SLC4A10: variants seen among roughly 807,000 people sequenced by gnomAD.
SLC4A10 encodes the protein solute carrier family 4 member 10.
Under a neutral mutation model 137.7 loss-of-function variants are expected in SLC4A10, and 42 were observed. The ratio of observed to expected loss-of-function variants is 0.30; its 90% CI spans 0.24 to 0.39. The LOEUF (loss-of-function observed/expected upper bound fraction) is 0.39, where lower values mean the gene tolerates loss of function less well. SLC4A10 is among the 10% of genes least tolerant of loss of function. The pLI is 1.00. For missense variants in SLC4A10, 925 were observed against 1,355.0 expected (o/e 0.68, Z 4.98); for synonymous variants, 474 against 464.1 (o/e 1.02, Z -0.27).
chr2:161,845,288 A>T (rs2059422175), intron 4 of SLC4A10, among the ~76,000 whole-genome samples: 1 of 152,150 alleles, frequency 6.6e-6, no homozygotes, highest in Admixed American at 6.6e-5. Flanking sequence ...TCATTTAAAT[A>T]TCTCTTAAAG....
chr2:161,767,487 A>G (rs2051037910), intron 1 of SLC4A10, among the ~76,000 whole-genome samples: 1 of 151,650 alleles, frequency 6.6e-6, no homozygotes, highest in Non-Finnish European at 1.5e-5. Flanking sequence ...ACAGCAGTAA[A>G]CTAATCAGAA....
At chr2:161,862,195 T>C (rs1238692980) in intron 5 of SLC4A10, among the ~76,000 whole-genome samples, 2 of 152,208 alleles carry the variant, frequency 1.3e-5, no homozygotes, top group African/African-American at 4.8e-5. Flanking sequence ...GTCTTTGTTT[T>C]GCAGGTATAG....
rs969410375 is a variant in SLC4A10 at position 161,949,370 on chromosome 2, A to G, written c.2379+109A>G. ...TTTCATGAAAATATGAAGAATTTAG[A>G]TTAGAAGACCAGTAAATGAAATGCA... On this transcript the variant is annotated intron_variant, in intron 18 of 26. Transcript: ENST00000446997. 3 of 667,762 alleles carry G rather than the reference A, an allele frequency of 4.5e-6. No homozygotes were observed. The African/African-American group carries it at 5.7e-5, about 13-fold the overall frequency. The allele number at this position is 667,762 out of a possible 1,614,324, so 41.4% of individuals were successfully genotyped here. A position where few individuals can be genotyped will look rare whatever the true frequency, so the allele number is the denominator to read the frequency against.
intron 2 of SLC4A10, among the ~76,000 whole-genome samples, chr2:161,785,252 A>G (rs945223123): frequency 6.6e-6 from 1 of 151,746 alleles, no homozygotes; most frequent in Admixed American, 6.6e-5. Context: ...AAGACCTCCA[A>G]ACAAAGAAAA....
chr2:161,672,301 CA>C (rs1348394918), intron 1 of SLC4A10, among the ~76,000 whole-genome samples: 1 of 152,008 alleles, frequency 6.6e-6, no homozygotes, highest in Non-Finnish European at 1.5e-5. Context: ...TGCATTTTTA[CA>C]AACTTGAGAA....
chr2:161,733,850 G>C (rs950321165), intron 1 of SLC4A10, among the ~76,000 whole-genome samples: 2 of 152,214 alleles, frequency 1.3e-5, no homozygotes, highest in Non-Finnish European at 2.9e-5. Context: ...TTGCATCAGC[G>C]TGACCTGGAT....
intron 1 of SLC4A10, among the ~76,000 whole-genome samples, chr2:161,749,757 A>G (rs2048764901): frequency 6.6e-6 from 1 of 151,760 alleles, no homozygotes; most frequent in African/African-American, 2.4e-5. Flanking sequence ...TCTGGCTTTA[A>G]TATCAGGGTA....
chr2:161,720,986 G>A (rs575517435), intron 1 of SLC4A10, among the ~76,000 whole-genome samples: 8 of 152,002 alleles, frequency 5.3e-5, no homozygotes, highest in South Asian at 4.2e-4. Flanking sequence ...GTGACACCAC[G>A]CCCAGCTAAT....
intron 1 of SLC4A10, among the ~76,000 whole-genome samples, chr2:161,724,863 T>C (rs2046055227): frequency 6.6e-6 from 1 of 152,214 alleles, no homozygotes; most frequent in South Asian, 2.1e-4. Flanking sequence ...TTTCTTCTAA[T>C]GTTTTTCTGG....
chr2:161,877,111 T>C (rs1407233177), intron 8 of SLC4A10, among the ~76,000 whole-genome samples: 1 of 152,140 alleles, frequency 6.6e-6, no homozygotes, highest in African/African-American at 2.4e-5. Flanking sequence ...TAACATACTA[T>C]GTACTTCTTG....
chr2:161,915,249 C>T (rs1311149548), intron 15 of SLC4A10, among the ~76,000 whole-genome samples: 1 of 152,056 alleles, frequency 6.6e-6, no homozygotes, highest in Non-Finnish European at 1.5e-5. Flanking sequence ...ACCTGCCCTT[C>T]CTGTCCCCTT....
At chr2:161,791,565 G>A (rs979558547) in intron 2 of SLC4A10, among the ~76,000 whole-genome samples, 20 of 152,054 alleles carry the variant, frequency 1.3e-4, no homozygotes, top group Non-Finnish European at 1.8e-4. Flanking sequence ...GCAAACCACC[G>A]TGGTACACAT....
Position 161,655,680 on chromosome 2 carries a change from T to C in SLC4A10, c.48+31114T>C, listed in dbSNP as rs181554536. Among the ~76,000 whole-genome samples, 587 of 152,326 alleles carry C rather than the reference T, an allele frequency of 3.9e-3. 2 individuals are homozygous for C. The highest frequency in any genetic ancestry group is 0.014 in the African/African-American group (566 of 41,570). On this transcript the variant is annotated intron_variant, in intron 1 of 26. Transcript: ENST00000446997. ...AGGAGGGAATATATTTAAATTCATT[T>C]CATGAGGCCAATATTACCCTGCTAC... is the stretch of plus-strand genomic sequence containing the variant.
At chr2:161,961,894 A>G (rs1173266225) in intron 21 of SLC4A10, among the ~76,000 whole-genome samples, 1 of 152,202 alleles carries the variant, frequency 6.6e-6, no homozygotes, top group Non-Finnish European at 1.5e-5. Context: ...CATGTTGATG[A>G]ACAGGGTCTC....
chr2:161,905,542 A>C, intron 14 of SLC4A10, 100 bp from the exon 15 acceptor site: 1 of 1,467,210 alleles, frequency 6.8e-7, no homozygotes, highest in Non-Finnish European at 9.1e-7. Flanking sequence ...AAGCTTATTT[A>C]CTTTCACTTC....
At chr2:161,879,396 G>A in intron 9 of SLC4A10, 108 bp downstream of exon 9, 1 of 1,185,562 alleles carries the variant, frequency 8.4e-7, no homozygotes. Flanking sequence ...AGAAACTAAT[G>A]TGAAATCCAC....
intron 1 of SLC4A10, among the ~76,000 whole-genome samples, chr2:161,702,724 C>T (rs1191182049): frequency 3.3e-5 from 5 of 151,766 alleles, no homozygotes; most frequent in East Asian, 3.9e-4. Context: ...TTTATCATTG[C>T]GTTGGTTTTC....
chr2:161,781,412 GAC>G (rs1029576728), intron 2 of SLC4A10, among the ~76,000 whole-genome samples: 2 of 151,902 alleles, frequency 1.3e-5, no homozygotes, highest in Non-Finnish European at 2.9e-5. Context: ...TGTGTACATC[GAC>G]CAGAAAATGT....
At chr2:161,660,685 G>C (rs1206963746) in intron 1 of SLC4A10, among the ~76,000 whole-genome samples, 1 of 115,958 alleles carries the variant, frequency 8.6e-6, no homozygotes, top group African/African-American at 4.0e-5. Flanking sequence ...ACAGCGTCTT[G>C]CTCTGTCACC....
Sources: gnomAD v4.1 joint callset for allele counts (sites outside exome capture counted in the v4.1 genomes callset) on GRCh38, gnomAD v4.1.1 for gene constraint, MANE v1.5 for transcripts, NCBI Gene and HGNC (gene_info 2026-07-23, HGNC 2026-07-21) for gene names.